TAOK2: variants seen among roughly 807,000 people sequenced by gnomAD.
TAOK2 encodes the protein serine/threonine-protein kinase TAO2.
In TAOK2, 42 loss-of-function variants were observed where a neutral mutation model predicts 122.5. The ratio of observed to expected loss-of-function variants is 0.34; its 90% CI spans 0.27 to 0.44. The LOEUF is 0.44. Among genes scored for constraint, TAOK2 ranks in the 20% least tolerant of loss-of-function variants. TAOK2 has a pLI of 1.00. For synonymous variants in TAOK2, 704 were observed against 677.6 expected, an observed-to-expected ratio of 1.04 and a Z score of -0.61; for missense variants, 1,264 against 1,644.9, an observed-to-expected ratio of 0.77 and a Z score of 4.01.
At chr16:29,991,485 G>A, downstream of TAOK2, 2 of 1,480,866 alleles carry the variant, frequency 1.4e-6, no homozygotes, top group African/African-American at 1.4e-5. This position sits in a 1 kb window ranked among gnomAD's most constrained non-coding sequence, Gnocchi z 5.6. Flanking sequence ...GGGCCCCCCT[G>A]CTGCCGCGGT....
chr16:29,989,985 ATTCT>A, downstream of TAOK2: 1 of 631,098 alleles, frequency 1.6e-6, no homozygotes, highest in South Asian at 2.1e-5. Flanking sequence ...CAGTGGTTTT[ATTCT>A]TTCTCTTAGT....
At chr16:29,991,213 A>G (rs1371842346), downstream of TAOK2, 9 of 1,610,902 alleles carry the variant, frequency 5.6e-6, no homozygotes, top group African/African-American at 5.3e-5. This position sits in a 1 kb window ranked among gnomAD's most constrained non-coding sequence, Gnocchi z 5.6. Context: ...GCCCAGGGCT[A>G]TCCTGCTCCA....
At chr16:29,981,603 C>A in intron 8 of TAOK2, 58 bp from the exon 9 acceptor site, 2 of 1,535,958 alleles carry the variant, frequency 1.3e-6, no homozygotes, top group Non-Finnish European at 1.8e-6. Context: ...CAGTTCCATT[C>A]CATTGTCCTC....
Position 29,985,932 on chromosome 16 carries a change from C to G in TAOK2, c.1992+71C>G. The G allele has an allele frequency of 1.3e-6, 2 of 1,529,658 alleles. No individual in the cohort carries two copies. The highest frequency in any genetic ancestry group is 8.9e-7 in the Non-Finnish European group (1 of 1,125,884). 94.8% of individuals were successfully genotyped at this position (1,529,658 alleles called of 1,614,324 possible). A position where few individuals can be genotyped will look rare whatever the true frequency, so the allele number is the denominator to read the frequency against. On this transcript the variant is annotated intron_variant, in intron 15 of 15. Coordinates refer to ENST00000308893, the MANE Select transcript of TAOK2 (RefSeq NM_016151.4). This position sits in a 1 kb window ranked among gnomAD's most constrained non-coding sequence, Gnocchi z 6.9. ...CAGGGACCCACCCTTTTCCATTTTCCTCATTCTTGTCTTCTTTCTCCTTGG... is the reference window on the plus strand; with the variant it reads ...CAGGGACCCACCCTTTTCCATTTTCGTCATTCTTGTCTTCTTTCTCCTTGG...
In TAOK2 at chr16:29,979,339, A is replaced by T. The variant is rs2069548763; in HGVS notation, c.563+31A>T. On this transcript the variant is annotated intron_variant, in intron 7 of 15. Transcript: ENST00000308893. This position sits in a 1 kb window ranked among gnomAD's most constrained non-coding sequence, Gnocchi z 4.1. ...TGAGTGAGTGGTGGTGAGTGGAGAG[A>T]CCTCCCAGGGATGTTGGGAGTAGGA... is the stretch of plus-strand genomic sequence containing the variant. 3 of 1,609,388 alleles carry T rather than the reference A, an allele frequency of 1.9e-6. No individual in the cohort carries two copies. In the African/African-American group the frequency reaches 4.0e-5, roughly 22 times the overall value.
chr16:29,973,892 A>C lies in TAOK2; in HGVS notation c.-792A>C, dbSNP rs538793308. ...TCTCCATCTTGGAATTGGGAGGAAG[A>C]GGGAGAGGGAGACCGGGACGAGACC... On this transcript the variant is annotated 5_prime_UTR_variant, in exon 1 of 16. Transcript: ENST00000308893. 2 of 152,540 alleles carry C rather than the reference A, an allele frequency of 1.3e-5. No individual in the cohort carries two copies. The highest frequency in any genetic ancestry group is 4.1e-4 in the South Asian group (2 of 4,832). 9.4% of individuals were successfully genotyped at this position (152,540 alleles called of 1,614,324 possible).
rs947480528 is a variant in TAOK2, at chr16:29,986,121, C to T, written c.1993-144C>T. On this transcript the variant is annotated intron_variant, in intron 15 of 15. Coordinates refer to ENST00000308893, the MANE Select transcript of TAOK2 (RefSeq NM_016151.4). This position sits in a 1 kb window ranked among gnomAD's most constrained non-coding sequence, Gnocchi z 4.2. The stretch of plus-strand genomic sequence containing the variant: ...TCCCCAGCTCCCTCTGCCAAGGAGC[C>T]CTGGCCCCTCACTTCCTTGATACTG... 35 of 1,296,182 alleles carry T rather than the reference C, an allele frequency of 2.7e-5. No individual in the cohort carries two copies. In the African/African-American group the frequency reaches 3.9e-4, roughly 14 times the overall value. The allele number at this position is 1,296,182 out of a possible 1,614,324, so 80.3% of individuals were successfully genotyped here. A position where few individuals can be genotyped will look rare whatever the true frequency, so the allele number is the denominator to read the frequency against.
At chr16:29,989,834 C>T (rs756458787), downstream of TAOK2, 64 of 1,605,970 alleles carry the variant, frequency 4.0e-5, no homozygotes, top group Non-Finnish European at 4.7e-5. Flanking sequence ...GGAGGGAGTG[C>T]GCTAGAGGCC....
At chr16:29,980,859 G>A (rs1447266033) in intron 8 of TAOK2, 1 of 152,244 alleles carries the variant, frequency 6.6e-6, no homozygotes, top group East Asian at 1.9e-4. Context: ...GGGAAGCAGT[G>A]TGGAGAAGGA....
At chr16:29,989,094 C>T (rs1008697004), downstream of TAOK2, 8 of 985,266 alleles carry the variant, frequency 8.1e-6, no homozygotes, top group Non-Finnish European at 9.6e-6. Context: ...CTGTGTCTGT[C>T]CTTAGTCGTG....
chr16:29,982,218 G>A (rs2069640419), intron 10 of TAOK2, among the ~76,000 whole-genome samples: 1 of 152,154 alleles, frequency 6.6e-6, no homozygotes, highest in African/African-American at 2.4e-5. Flanking sequence ...GATAACCAGG[G>A]TTGCCCCACT....
At chr16:29,989,867 GA>G, downstream of TAOK2, 1 of 1,551,108 alleles carries the variant, frequency 6.4e-7, no homozygotes, top group Non-Finnish European at 8.8e-7. Flanking sequence ...TTGCTTTAGA[GA>G]AATGGACGGT....
chr16:29,989,664 G>A, downstream of TAOK2: 1 of 1,614,108 alleles, frequency 6.2e-7, no homozygotes. Context: ...ACAAGGCTCT[G>A]CGAGCACACT....
rs1221615653 is a variant in TAOK2, at chr16:29,987,685, G to A, written c.3413G>A (p.Arg1138His). The A allele has an allele frequency of 7.4e-6, 12 of 1,613,864 alleles. No homozygotes were observed. The highest frequency in any genetic ancestry group is 3.3e-4 in the Middle Eastern group (2 of 6,082). ...CCTGGGCCCCGGCGGCGTAATCCCC[G>A]CACCACCCAACACCCATTAGCTCTG... ...PVPGPRRRNP[R>H]TTQHPLALLA... The change falls in exon 16 of 16, where the codon CGC becomes CAC. Residue 1138 changes from arginine to histidine, a missense_variant. Coordinates refer to ENST00000308893, the MANE Select transcript of TAOK2 (RefSeq NM_016151.4).
chr16:29,976,339 C>G (rs1163929218), intron 1 of TAOK2, among the ~76,000 whole-genome samples: 2 of 152,198 alleles, frequency 1.3e-5, no homozygotes, highest in African/African-American at 4.8e-5. Flanking sequence ...CTCAGTCTCC[C>G]AGGCTATTCT....
rs776236834 is a variant in TAOK2, at chr16:29,979,275, C to T, written c.530C>T (p.Ala177Val). ...GACTTTGGTTCTGCGTCCATCATGG[C>T]ACCTGCCAACTCCTTCGTGGGCACC... ...LGDFGSASIM[A>V]PANSFVGTPY... Residue 177 changes from alanine (A) to valine (V), a missense_variant, in exon 7 of 16, where the codon GCA becomes GTA. Around this residue, in one of 4 missense-constraint regions of TAOK2, gnomAD observed 254 missense variants for 503.8 expected, o/e 0.50. Transcript: ENST00000308893. This position sits in a 1 kb window ranked among gnomAD's most constrained non-coding sequence, Gnocchi z 4.1. 7.4e-6 allele frequency: 12 copies of T among 1,614,042 alleles called. No homozygotes were observed. Among genetic ancestry groups the T allele is most frequent in the Non-Finnish European group, 1.0e-5 (12 of 1,180,040 alleles).
In TAOK2 at chr16:29,979,998, T is replaced by C. The variant is rs2069567666; in HGVS notation, c.655+490T>C. On this transcript the variant is annotated intron_variant, in intron 8 of 15. Coordinates refer to ENST00000308893, the MANE Select transcript of TAOK2 (RefSeq NM_016151.4). The surrounding 1 kb of genome is among the most constrained non-coding windows in gnomAD (Gnocchi z 4.1). ...GCCAACCTGCAAGATAAATAATAGC[T>C]GTTTGCAGAATGTAGGGAAGAGCTT... Among the ~76,000 whole-genome samples the C allele has an allele frequency of 2.0e-5, 3 of 152,162 alleles. No homozygotes were observed. In the South Asian group the frequency reaches 6.2e-4, roughly 32 times the overall value.
chr16:29,976,108 G>C (rs936866942), intron 1 of TAOK2, among the ~76,000 whole-genome samples: 18 of 152,310 alleles, frequency 1.2e-4, no homozygotes, highest in Middle Eastern at 3.4e-3. Context: ...ATGATGTTTT[G>C]CCAGTGGGTG....
chr16:29,977,625 T>TGCC, intron 1 of TAOK2, 113 bp from the exon 2 acceptor site: 1 of 1,004,558 alleles, frequency 1.0e-6, no homozygotes, highest in Non-Finnish European at 1.4e-6. Context: ...TCCTCAGCAG[T>TGCC]GCCTCCTCCT....
Sources: gnomAD v4.1 joint callset for allele counts (sites outside exome capture counted in the v4.1 genomes callset) on GRCh38, gnomAD v4.1.1 for gene constraint, gnomAD v4.1.1 regional missense constraint, Gnocchi (gnomAD v3.1) non-coding constraint, MANE v1.5 for transcripts, NCBI Gene and HGNC (gene_info 2026-07-23, HGNC 2026-07-21) for gene names.